The following EBF2 variants were observed in gnomAD, a reference collection of about 807,000 sequenced individuals.
EBF2 encodes the protein transcription factor COE2.
A neutral mutation model predicts 72.8 loss-of-function variants in EBF2; 21 were observed. That is an observed-to-expected ratio of 0.29 (90% CI 0.20 to 0.42). The LOEUF (loss-of-function observed/expected upper bound fraction) is 0.42, where lower values mean the gene tolerates loss of function less well. Among genes scored for constraint, EBF2 ranks in the 10% least tolerant of loss-of-function variants. The probability of loss-of-function intolerance (pLI) is 1.00; values close to 1 mark genes in which losing one functional copy is unlikely to be tolerated. For missense variants in EBF2, 637 were observed against 731.2 expected (o/e 0.87, Z 1.49); for synonymous variants, 299 against 274.2 (o/e 1.09, Z -0.89).
intron 7 of EBF2, among the ~76,000 whole-genome samples, chr8:25,908,109 T>C (rs544347503): frequency 6.6e-6 from 1 of 152,280 alleles, no homozygotes; most frequent in South Asian, 2.1e-4. Flanking sequence ...ACAGGAGCTG[T>C]TGCTTGCAGA....
intron 6 of EBF2, among the ~76,000 whole-genome samples, chr8:25,934,237 A>G (rs1803535514): frequency 2.5e-5 from 3 of 117,870 alleles, no homozygotes; most frequent in African/African-American, 1.1e-4. Flanking sequence ...ACACACACAC[A>G]CACACACACA....
Position 25,843,179 on chromosome 8 carries a change from G to A in EBF2, c.*1430C>T, listed in dbSNP as rs1237605748. On this transcript the variant is annotated 3_prime_UTR_variant, in exon 16 of 16. Transcript: ENST00000520164. ...TAGAACGCAGATGCCCCTAATCTCT[G>A]GATCTCCCAAGAATCTGGTCTTGCC... is the stretch of plus-strand genomic sequence containing the variant. 2 of 152,190 alleles carry A rather than the reference G, an allele frequency of 1.3e-5. No individual in the cohort carries two copies. Among genetic ancestry groups the A allele is most frequent in the Non-Finnish European group, 2.9e-5 (2 of 68,052 alleles). The allele number at this position is 152,190 out of a possible 1,614,324, so 9.4% of individuals were successfully genotyped here.
intron 7 of EBF2, among the ~76,000 whole-genome samples, chr8:25,900,450 C>A (rs1211858910): frequency 3.9e-5 from 5 of 127,926 alleles, no homozygotes; most frequent in Non-Finnish European, 3.3e-5. Flanking sequence ...CAGAGTAAGA[C>A]CCTGTCTGTA....
intron 6 of EBF2, among the ~76,000 whole-genome samples, chr8:25,949,793 A>G (rs1454333824): frequency 2.0e-5 from 3 of 152,204 alleles, no homozygotes; most frequent in African/African-American, 7.2e-5. Context: ...GAAGGTGACC[A>G]CTTGGGGAGG....
chr8:25,858,290 G>A (rs756683681), intron 14 of EBF2, 29 bp downstream of exon 14: 1 of 1,612,406 alleles, frequency 6.2e-7, no homozygotes, highest in East Asian at 2.2e-5. Flanking sequence ...AAAAAGCATG[G>A]AGAGCCAAGT....
chr8:25,848,583 T>C (rs1801889993), intron 15 of EBF2, among the ~76,000 whole-genome samples: 1 of 152,142 alleles, frequency 6.6e-6, no homozygotes, highest in Non-Finnish European at 1.5e-5. Context: ...CCTGGCCCCA[T>C]TGTAGGCTCA....
At chr8:26,021,865 G>A (rs1805208154) in intron 6 of EBF2, among the ~76,000 whole-genome samples, 1 of 152,310 alleles carries the variant, frequency 6.6e-6, no homozygotes, top group Admixed American at 6.5e-5. Flanking sequence ...TTTTACTGTG[G>A]TTATTATCAT....
intron 6 of EBF2, among the ~76,000 whole-genome samples, chr8:26,016,588 G>T (rs1032803347): frequency 6.6e-6 from 1 of 152,150 alleles, no homozygotes; most frequent in Non-Finnish European, 1.5e-5. Flanking sequence ...AGGAGGCATG[G>T]GTGAGATTTC....
intron 7 of EBF2, among the ~76,000 whole-genome samples, chr8:25,897,744 A>T (rs1289265081): frequency 6.6e-6 from 1 of 152,146 alleles, no homozygotes; most frequent in Non-Finnish European, 1.5e-5. Flanking sequence ...TATGTACCAC[A>T]TTTTATCTGA....
At chr8:25,943,966 G>A (rs565674104) in intron 6 of EBF2, among the ~76,000 whole-genome samples, 1 of 152,256 alleles carries the variant, frequency 6.6e-6, no homozygotes, top group Admixed American at 6.5e-5. Flanking sequence ...GTGAGAACAG[G>A]GTCCCAGTTG....
intron 6 of EBF2, among the ~76,000 whole-genome samples, chr8:26,021,759 A>G (rs1414281040): frequency 6.6e-6 from 1 of 152,178 alleles, no homozygotes; most frequent in East Asian, 1.9e-4. Context: ...TTACTTGCTA[A>G]ATATGGCAAC....
Position 25,858,377 on chromosome 8 carries a change from C to G in EBF2, c.1470G>C (p.Leu490Phe). The G allele has an allele frequency of 6.2e-7, 1 of 1,614,162 alleles. No individual in the cohort carries two copies. Among genetic ancestry groups the G allele is most frequent in the Non-Finnish European group, 8.5e-7 (1 of 1,180,028 alleles). Residue 490 changes from leucine to phenylalanine, a missense_variant, in exon 14 of 16, where the codon TTG (leucine) becomes TTC (phenylalanine). By Grantham distance (22) the Leu-to-Phe change is conservative. Around this residue, in one of 3 missense-constraint regions of EBF2, gnomAD observed 259 missense variants for 268.1 expected, o/e 0.97. Coordinates refer to ENST00000520164, the MANE Select transcript of EBF2 (RefSeq NM_022659.4). ...NGYSNVPMAN[L>F]GVPGSPGFLN... ...GAAATCCTGGTGAACCTGGAACACC[C>G]AAGTTGGCCATGGGGACATTGCTGT...
At chr8:25,914,801 T>A (rs1417342251) in intron 6 of EBF2, among the ~76,000 whole-genome samples, 1 of 152,142 alleles carries the variant, frequency 6.6e-6, no homozygotes, top group African/African-American at 2.4e-5. Context: ...CCTCAAACTG[T>A]AAAAATAAAC....
intron 6 of EBF2, among the ~76,000 whole-genome samples, chr8:25,990,188 TACAC>T (rs60406400): frequency 0.072 from 10,554 of 146,300 alleles, 1,083 homozygotes; most frequent in African/African-American, 0.23. Flanking sequence ...CTATGGGTTA[TACAC>T]ACACACACAC....
At chr8:25,905,824 T>G (rs866073081) in intron 7 of EBF2, among the ~76,000 whole-genome samples, 12 of 152,180 alleles carry the variant, frequency 7.9e-5, no homozygotes, top group African/African-American at 2.9e-4. Flanking sequence ...AATGGTGAAT[T>G]GTATGTTATA....
In EBF2 at chr8:25,986,536, G is replaced by A. The variant is rs142264986; in HGVS notation, c.551+46549C>T. On this transcript the variant is annotated intron_variant, in intron 6 of 15. Coordinates refer to ENST00000520164, the MANE Select transcript of EBF2 (RefSeq NM_022659.4). ...TATACACCTTGTTCGATGCTTGACT[G>A]TGTGAAAATCTTGGTTAAACTCAGT... 2.9e-3 allele frequency among the ~76,000 whole-genome samples: 443 copies of A among 152,308 alleles called. 1 individual carries two copies. The highest frequency in any genetic ancestry group is 4.1e-3 in the Non-Finnish European group (276 of 68,026).
intron 7 of EBF2, among the ~76,000 whole-genome samples, chr8:25,893,785 C>T (rs1055410193): frequency 6.6e-5 from 10 of 152,176 alleles, no homozygotes. Flanking sequence ...CATCATTGTC[C>T]ATTTGGGTGG....
At chr8:26,024,207 T>G (rs958814146) in intron 6 of EBF2, among the ~76,000 whole-genome samples, 1 of 152,144 alleles carries the variant, frequency 6.6e-6, no homozygotes, top group African/African-American at 2.4e-5. Flanking sequence ...TTTGTAAATA[T>G]TCGAGGTATA....
chr8:26,023,962 A>C (rs528791779), intron 6 of EBF2, among the ~76,000 whole-genome samples: 1 of 152,174 alleles, frequency 6.6e-6, no homozygotes, highest in Non-Finnish European at 1.5e-5. Flanking sequence ...ATGAAATGGC[A>C]CAACTCAAAA....
Sources: allele counts gnomAD v4.1 joint callset (sites outside exome capture counted in the v4.1 genomes callset), GRCh38; gene constraint gnomAD v4.1.1; regional missense constraint gnomAD v4.1.1; transcripts MANE v1.5; gene names NCBI Gene and HGNC (gene_info 2026-07-23, HGNC 2026-07-21).